COLEC10: variants seen among roughly 807,000 people sequenced by gnomAD.
COLEC10 encodes the protein collectin subfamily member 10.
In COLEC10, 22 loss-of-function variants were observed where a neutral mutation model predicts 28.4. That is an observed-to-expected ratio of 0.78 (90% CI 0.55 to 1.11). The LOEUF (loss-of-function observed/expected upper bound fraction) is 1.11, where lower values mean the gene tolerates loss of function less well. Among genes scored for constraint, COLEC10 ranks in the 50% least tolerant of loss-of-function variants. The pLI, the probability that COLEC10 is intolerant of heterozygous loss-of-function variation, is 0.00. For missense variants in COLEC10, 361 were observed against 344.1 expected (o/e 1.05, Z -0.39); for synonymous variants, 125 against 116.1 (o/e 1.08, Z -0.49).
intron 1 of COLEC10, among the ~76,000 whole-genome samples, chr8:119,076,402 C>T (rs1320509876): frequency 6.6e-6 from 1 of 152,020 alleles, no homozygotes; most frequent in Non-Finnish European, 1.5e-5. Flanking sequence ...GCTGGGATTA[C>T]AGACACCTGC....
At position 119,067,290 on chromosome 8, in the gene COLEC10, C is replaced by T; in HGVS notation, c.9C>T (p.Gly3=). The change falls in exon 1 of 6, where the codon GGC becomes GGT. Residue 3 remains glycine (G), a synonymous_variant. Transcript: ENST00000332843. ...TCTGAGGAACCACAGCAATGAATGGCTTTGCATCCTTGCTTCGAAGAAACC... is the reference window on the plus strand; with the variant it reads ...TCTGAGGAACCACAGCAATGAATGGTTTTGCATCCTTGCTTCGAAGAAACC... MN[G]FASLLRRNQF... is the part of the protein sequence containing the mutation. 6.2e-7 allele frequency: 1 copy of T among 1,613,878 alleles called. No individual in the cohort carries two copies. The highest frequency in any genetic ancestry group is 1.1e-5 in the South Asian group (1 of 91,064).
intron 2 of COLEC10, among the ~76,000 whole-genome samples, chr8:119,053,685 G>GT (rs1233043375): frequency 1.1e-4 from 10 of 91,580 alleles, no homozygotes; most frequent in African/African-American, 3.5e-4. Context: ...AAAAAAAAAG[G>GT]TGGGGGGGGC....
the COLEC10 span, among the ~76,000 whole-genome samples, chr8:118,956,481 A>G: frequency 4.6e-5 from 7 of 152,324 alleles, 1 homozygote; most frequent in South Asian, 1.0e-3. Flanking sequence ...TCAGCAGTCC[A>G]TAACAGGGAT....
the COLEC10 span, among the ~76,000 whole-genome samples, chr8:118,970,763 A>G: frequency 6.6e-6 from 1 of 151,968 alleles, no homozygotes; most frequent in Non-Finnish European, 1.5e-5. Context: ...CATACCAATA[A>G]TGTAATGAGT....
upstream of COLEC10, among the ~76,000 whole-genome samples, chr8:119,066,008 G>A (rs1311292028): frequency 6.6e-6 from 1 of 152,152 alleles, no homozygotes; most frequent in African/African-American, 2.4e-5. Context: ...TTAGCCACCC[G>A]GCCGCTGGTG....
At chr8:119,084,294 C>T (rs2450067) in intron 1 of COLEC10, among the ~76,000 whole-genome samples, 95,302 of 151,938 alleles carry the variant, frequency 0.63, 30,426 homozygotes, top group Middle Eastern at 0.74. Context: ...TAAGATTTGA[C>T]GCCTGAATAT....
chr8:118,967,031 T>C, the COLEC10 span, among the ~76,000 whole-genome samples: 1 of 152,164 alleles, frequency 6.6e-6, no homozygotes, highest in Admixed American at 6.6e-5. Flanking sequence ...ATTGCTCCAA[T>C]TCCTTAAAGG....
the COLEC10 span, among the ~76,000 whole-genome samples, chr8:118,969,837 G>A: frequency 6.6e-6 from 1 of 151,842 alleles, no homozygotes; most frequent in Non-Finnish European, 1.5e-5. Context: ...TCACTTCAAA[G>A]GTTTATGAGA....
upstream of COLEC10, among the ~76,000 whole-genome samples, chr8:118,993,277 T>C (rs2130042026): frequency 6.6e-6 from 1 of 152,294 alleles, no homozygotes; most frequent in Middle Eastern, 3.4e-3. Context: ...GCCTTTCTCT[T>C]TGGCTTGTAC....
chr8:118,964,482 G>A, the COLEC10 span, among the ~76,000 whole-genome samples: 2 of 152,060 alleles, frequency 1.3e-5, no homozygotes, highest in East Asian at 3.9e-4. Context: ...AATCTCTAAG[G>A]TGTCAATGAG....
the COLEC10 span, among the ~76,000 whole-genome samples, chr8:118,953,128 G>A: frequency 6.6e-6 from 1 of 152,158 alleles, no homozygotes; most frequent in Non-Finnish European, 1.5e-5. Flanking sequence ...CTTCCACCAC[G>A]AGTTCAAAGT....
rs568669689 is a variant in COLEC10 at position 119,012,572 on chromosome 8, G to A, written n.235+3019G>A. ...TTATTTCTTCCTGATATATTTGATA[G>A]AATTCACTAGTGAAACCTTCTGGTC... On this transcript the variant is annotated intron_variant and non_coding_transcript_variant, in intron 2 of 6. Transcript: ENST00000521788. Among the ~76,000 whole-genome samples the A allele has an allele frequency of 4.0e-5, 6 of 150,588 alleles. No individual in the cohort carries two copies. In the East Asian group the frequency reaches 7.7e-4, roughly 19 times the overall value.
intron 2 of COLEC10, among the ~76,000 whole-genome samples, chr8:119,024,241 C>T (rs1165131124): frequency 6.6e-6 from 1 of 152,088 alleles, no homozygotes; most frequent in Non-Finnish European, 1.5e-5. Flanking sequence ...ATTCATAGAA[C>T]ATTCCTTGAG....
chr8:119,045,483 G>A (rs182303450), intron 2 of COLEC10, among the ~76,000 whole-genome samples: 17 of 152,330 alleles, frequency 1.1e-4, no homozygotes, highest in Non-Finnish European at 2.2e-4. Flanking sequence ...TTTACTTGAT[G>A]ACATGAATAG....
the COLEC10 span, among the ~76,000 whole-genome samples, chr8:118,960,054 G>A: frequency 6.6e-6 from 1 of 152,172 alleles, no homozygotes; most frequent in African/African-American, 2.4e-5. Flanking sequence ...TCAAACATTA[G>A]CAGTGCTTTG....
At chr8:119,060,031 A>G (rs1814826868) in intron 2 of COLEC10, among the ~76,000 whole-genome samples, 1 of 152,108 alleles carries the variant, frequency 6.6e-6, no homozygotes, top group South Asian at 2.1e-4. Flanking sequence ...TATGCCGTTG[A>G]GCCTCATCTC....
At chr8:119,064,808 T>C (rs1814923067), upstream of COLEC10, among the ~76,000 whole-genome samples, 1 of 152,162 alleles carries the variant, frequency 6.6e-6, no homozygotes, top group African/African-American at 2.4e-5. Flanking sequence ...GATTTTTTTT[T>C]TTTGGTCACT....
chr8:118,974,847 G>T, the COLEC10 span, among the ~76,000 whole-genome samples: 1 of 151,916 alleles, frequency 6.6e-6, no homozygotes, highest in Non-Finnish European at 1.5e-5. Context: ...TAGTTTAAAC[G>T]CACTAATTGC....
At chr8:119,092,253 T>C (rs1390858829) in intron 3 of COLEC10, among the ~76,000 whole-genome samples, 1 of 151,978 alleles carries the variant, frequency 6.6e-6, no homozygotes, top group Non-Finnish European at 1.5e-5. Context: ...GTATTTTTAG[T>C]AGAGACAGGG....
Sources: allele counts gnomAD v4.1 joint callset (sites outside exome capture counted in the v4.1 genomes callset), GRCh38; gene constraint gnomAD v4.1.1; transcripts MANE v1.5; gene names NCBI Gene and HGNC (gene_info 2026-07-23, HGNC 2026-07-21).